BCR: variants seen among roughly 807,000 people sequenced by gnomAD.
BCR encodes breakpoint cluster region protein.
A neutral mutation model predicts 138.6 loss-of-function variants in BCR; 58 were observed. That is an observed-to-expected ratio of 0.42 (90% CI 0.34 to 0.52). The LOEUF (loss-of-function observed/expected upper bound fraction) is 0.52. Ranked by LOEUF, BCR falls within the 20% of genes least tolerant of loss-of-function variation. BCR has a pLI of 0.06. For synonymous variants in BCR, 786 were observed against 730.1 expected (o/e 1.08, Z -1.23); for missense variants, 1,599 against 1,727.2 (o/e 0.93, Z 1.32).
chr22:23,220,512 G>T (rs903025159), intron 1 of BCR, among the ~76,000 whole-genome samples: 9 of 152,342 alleles, frequency 5.9e-5, no homozygotes, highest in Non-Finnish European at 1.3e-4. Context: ...CCTGAGCCCA[G>T]CCCCACCCAG....
chr22:23,239,384 G>A (rs2073062550), intron 1 of BCR, among the ~76,000 whole-genome samples: 1 of 152,180 alleles, frequency 6.6e-6, no homozygotes, highest in African/African-American at 2.4e-5. Flanking sequence ...CTGAGCAGGT[G>A]CCCGGCACTG....
chr22:23,249,517 T>A (rs2073198706), intron 1 of BCR, among the ~76,000 whole-genome samples: 1 of 151,628 alleles, frequency 6.6e-6, no homozygotes, highest in African/African-American at 2.4e-5. Context: ...AGCCCAGGAG[T>A]TCACAGCTGC....
chr22:23,222,978 C>T (rs1398147674), intron 1 of BCR, among the ~76,000 whole-genome samples: 1 of 152,126 alleles, frequency 6.6e-6, no homozygotes, highest in Non-Finnish European at 1.5e-5. Context: ...ATAAGGGCTC[C>T]CTGCTTCATA....
In BCR at chr22:23,288,133, G is replaced by A; in HGVS notation, c.2563G>A (p.Ala855Thr). 1 of 1,614,090 alleles carries A rather than the reference G, an allele frequency of 6.2e-7. No individual in the cohort carries two copies. Among genetic ancestry groups the A allele is most frequent in the Non-Finnish European group, 8.5e-7 (1 of 1,179,968 alleles). ...CCTGATCTCCTCTGACTATGAGCGT[G>A]CAGAGTGGAGGGAGAACATCCGGGA... is the stretch of plus-strand genomic sequence containing the variant. Reference protein sequence around the residue: ...TFLISSDYERAEWRENIREQQ... With the variant: ...TFLISSDYERTEWRENIREQQ... The change falls in exon 12 of 23, where the codon GCA becomes ACA. Residue 855 changes from alanine (A) to threonine (T), a missense_variant. Ala to Thr is a moderately conservative substitution (Grantham distance 58). Coordinates refer to ENST00000305877, the MANE Select transcript of BCR (RefSeq NM_004327.4).
At chr22:23,254,026 C>G (rs1380003817) in intron 2 of BCR, 46 bp downstream of exon 2, 1 of 1,560,996 alleles carries the variant, frequency 6.4e-7, no homozygotes, top group Non-Finnish European at 8.7e-7. Context: ...AGGTGAGGCT[C>G]CCTGAAGCGC....
chr22:23,278,620 C>T (rs55908867), intron 8 of BCR, among the ~76,000 whole-genome samples: 5,441 of 152,156 alleles, frequency 0.036, 149 homozygotes, highest in African/African-American at 0.063. Context: ...CCAGCTACTC[C>T]GGAGGCGGAG....
intron 15 of BCR, among the ~76,000 whole-genome samples, chr22:23,292,984 G>A (rs530879693): frequency 5.3e-5 from 8 of 152,158 alleles, no homozygotes; most frequent in East Asian, 3.9e-4. Flanking sequence ...ATGAGCTCCC[G>A]TGACCCTCTT....
intron 8 of BCR, among the ~76,000 whole-genome samples, chr22:23,274,946 T>C (rs2073557627): frequency 1.3e-5 from 2 of 149,986 alleles, no homozygotes; most frequent in Non-Finnish European, 3.0e-5. Context: ...ACCACCTCCT[T>C]CTCTTTCTTC....
chr22:23,243,123 T>C (rs755142949), intron 1 of BCR: 87 of 247,500 alleles, frequency 3.5e-4, no homozygotes, highest in Non-Finnish European at 6.7e-4. Flanking sequence ...CATTGTAATT[T>C]CCTGAACGAT....
At chr22:23,281,128 A>G (rs1308782285) in intron 8 of BCR, among the ~76,000 whole-genome samples, 1 of 152,370 alleles carries the variant, frequency 6.6e-6, no homozygotes, top group East Asian at 1.9e-4. Context: ...GGACACACAG[A>G]CGCAGAGCAC....
In BCR at chr22:23,241,262, C is replaced by T. The variant is rs550591158; in HGVS notation, c.1280-12537C>T. On this transcript the variant is annotated intron_variant, in intron 1 of 22. Coordinates refer to ENST00000305877, the MANE Select transcript of BCR (RefSeq NM_004327.4). The stretch of plus-strand genomic sequence containing the variant: ...CTCCCAGGCTTGCTGGGTGTCTGCC[C>T]GTGGCTGGGCCCTGGCCCCGGGCTC... 4.6e-5 allele frequency among the ~76,000 whole-genome samples: 7 copies of T among 152,332 alleles called. No individual in the cohort carries two copies. In the East Asian group the frequency reaches 5.8e-4, roughly 13 times the overall value.
At chr22:23,216,941 T>C (rs2072760863) in intron 1 of BCR, 1 of 348,772 alleles carries the variant, frequency 2.9e-6, no homozygotes, top group South Asian at 2.0e-5. Flanking sequence ...TCCACCGGAT[T>C]CTGTTGGTAC....
chr22:23,200,072 G>A (rs2072533999), intron 1 of BCR, among the ~76,000 whole-genome samples: 1 of 148,290 alleles, frequency 6.7e-6, no homozygotes, highest in Non-Finnish European at 1.5e-5. Context: ...GGGTGACAGA[G>A]CAAGACTGCG....
At chr22:23,201,470 G>A (rs8135136) in intron 1 of BCR, among the ~76,000 whole-genome samples, 43 of 84,702 alleles carry the variant, frequency 5.1e-4, no homozygotes, top group South Asian at 2.4e-3. Context: ...TTGTTTTTTC[G>A]TTTTTGAGAC....
intron 4 of BCR, among the ~76,000 whole-genome samples, chr22:23,267,266 G>T (rs1386522634): frequency 6.6e-6 from 1 of 152,050 alleles, no homozygotes; most frequent in African/African-American, 2.4e-5. Flanking sequence ...CCTCATCACT[G>T]CACGGATGAG....
At chr22:23,206,303 G>A (rs754083541) in intron 1 of BCR, among the ~76,000 whole-genome samples, 1 of 152,142 alleles carries the variant, frequency 6.6e-6, no homozygotes, top group Non-Finnish European at 1.5e-5. Flanking sequence ...GGCTGGGGGC[G>A]GTGGCTCACG....
At chr22:23,297,499 G>A (rs970816670) in intron 16 of BCR, among the ~76,000 whole-genome samples, 2 of 152,074 alleles carry the variant, frequency 1.3e-5, no homozygotes, top group African/African-American at 4.8e-5. Context: ...GAGGTAGAGG[G>A]AGCAGACTGC....
At chr22:23,216,862 G>T (rs1227312563) in intron 1 of BCR, 1 of 224,698 alleles carries the variant, frequency 4.5e-6, no homozygotes, top group South Asian at 3.8e-5. Context: ...TGGAGGCTAG[G>T]TTCCAAGAGC....
chr22:23,257,345 T>C (rs899117696), intron 2 of BCR, among the ~76,000 whole-genome samples: 1 of 152,236 alleles, frequency 6.6e-6, no homozygotes, highest in Non-Finnish European at 1.5e-5. Flanking sequence ...TGTGCTGTTT[T>C]TCCTCCTGGC....
Sources: allele counts gnomAD v4.1 joint callset (sites outside exome capture counted in the v4.1 genomes callset), GRCh38; gene constraint gnomAD v4.1.1; transcripts MANE v1.5; gene names NCBI Gene and HGNC (gene_info 2026-07-23, HGNC 2026-07-21).